Variants in RMND1 observed in about 807,000 individuals in gnomAD.
RMND1 encodes the protein required for meiotic nuclear division protein 1 homolog.
In RMND1, 41 loss-of-function variants were observed where a neutral mutation model predicts 54.0. That is an observed-to-expected ratio of 0.76 (90% CI 0.59 to 0.98). The LOEUF is 0.98. Among genes scored for constraint, RMND1 ranks in the 50% least tolerant of loss-of-function variants. RMND1 has a pLI of 0.00. For synonymous variants in RMND1, 183 were observed against 181.7 expected (o/e 1.01, Z -0.06); for missense variants, 457 against 532.0 (o/e 0.86, Z 1.39).
chr6:151,410,318 A>G (rs548751176), intron 10 of RMND1, among the ~76,000 whole-genome samples: 62 of 152,038 alleles, frequency 4.1e-4, no homozygotes, highest in South Asian at 2.3e-3. Context: ...GCCTCCCAAA[A>G]TGCTGGGATT....
intron 10 of RMND1, among the ~76,000 whole-genome samples, chr6:151,407,219 C>A (rs1329845628): frequency 1.3e-5 from 2 of 152,138 alleles, no homozygotes; most frequent in African/African-American, 4.8e-5. Flanking sequence ...CCACCATTTG[C>A]CCCTATTTCC....
chr6:151,425,846 T>G (rs541788701), intron 6 of RMND1, among the ~76,000 whole-genome samples: 13 of 152,292 alleles, frequency 8.5e-5, no homozygotes, highest in Non-Finnish European at 1.9e-4. Flanking sequence ...CTGGCCCTAT[T>G]GGTGGTGAGC....
intron 6 of RMND1, among the ~76,000 whole-genome samples, chr6:151,425,823 T>C (rs905505333): frequency 3.3e-5 from 5 of 152,196 alleles, no homozygotes; most frequent in African/African-American, 7.2e-5. Context: ...GGCACTTACT[T>C]AGAAAACCGT....
At chr6:151,451,616 G>C (rs1781201140) in intron 1 of RMND1, among the ~76,000 whole-genome samples, 1 of 152,082 alleles carries the variant, frequency 6.6e-6, no homozygotes. Context: ...GTAGGCATTC[G>C]ATCGAATTTT....
At chr6:151,440,340 A>C (rs1780740251) in intron 2 of RMND1, among the ~76,000 whole-genome samples, 3 of 152,210 alleles carry the variant, frequency 2.0e-5, no homozygotes. Context: ...TATATTCAGA[A>C]CTGAGTTTTG....
In RMND1 at chr6:151,452,121, T is replaced by A. The variant is rs115588021; in HGVS notation, c.-120A>T. ...GCCTCTCACTACTGCAGCCAACCCA[T>A]CTCCTGGAAGGGCGCTCCCGCCCAC... is the stretch of plus-strand genomic sequence containing the variant. On this transcript the variant is annotated 5_prime_UTR_variant, in exon 1 of 12. The change abolishes an upstream ATG in the 5' untranslated region. Coordinates refer to ENST00000444024, the MANE Select transcript of RMND1 (RefSeq NM_017909.4). 94 of 198,922 alleles carry A rather than the reference T, an allele frequency of 4.7e-4. No homozygotes were observed. Among genetic ancestry groups the A allele is most frequent in the African/African-American group, 2.0e-3 (85 of 42,190 alleles). The allele number at this position is 198,922 out of a possible 1,614,324, so 12.3% of individuals were successfully genotyped here. A position where few individuals can be genotyped will look rare whatever the true frequency, so the allele number is the denominator to read the frequency against.
At chr6:151,417,129 A>C (rs1369724573) in intron 10 of RMND1, 150 bp downstream of exon 10, 1 of 780,818 alleles carries the variant, frequency 1.3e-6, no homozygotes. Context: ...GACACAAAAA[A>C]TTGAAGTGAC....
intron 10 of RMND1, among the ~76,000 whole-genome samples, chr6:151,413,617 C>T (rs1248958126): frequency 6.6e-6 from 1 of 152,216 alleles, no homozygotes; most frequent in African/African-American, 2.4e-5. Flanking sequence ...CAGGAAATAC[C>T]TCAACTGTAT....
intron 10 of RMND1, among the ~76,000 whole-genome samples, chr6:151,406,377 T>G (rs1204657281): frequency 4.0e-5 from 6 of 151,180 alleles, no homozygotes; most frequent in African/African-American, 7.4e-5. Flanking sequence ...TGTTGTTGTT[T>G]TTTGGGATGG....
At chr6:151,423,414 T>C (rs113788632) in intron 7 of RMND1, 111 bp downstream of exon 7, 7 of 680,420 alleles carry the variant, frequency 1.0e-5, no homozygotes, top group East Asian at 2.6e-5. Context: ...GGAAAAGGAA[T>C]GCTAAGGCTT....
chr6:151,413,773 C>G (rs1041796036), intron 10 of RMND1: 5 of 152,210 alleles, frequency 3.3e-5, no homozygotes, highest in Non-Finnish European at 5.9e-5. Flanking sequence ...TTATCTAAAA[C>G]TGTGTTGATG....
chr6:151,436,112 C>CA lies in RMND1; in HGVS notation c.613+333dup, dbSNP rs67339992. The CA allele has an allele frequency of 0.23, 39,731 of 173,132 alleles. 3,860 individuals are homozygous for CA. Among genetic ancestry groups the CA allele is most frequent in the Middle Eastern group, 0.3 (106 of 350 alleles). The allele number at this position is 173,132 out of a possible 1,614,324, so 10.7% of individuals were successfully genotyped here. On this transcript the variant is annotated intron_variant, in intron 3 of 11. Transcript: ENST00000444024. ...AAGAGTGAAACTCCATCCCAAAAAA[C>CA]AAAAAAAAAAAAAACACAAAACACA...
chr6:151,435,781 T>C lies in RMND1; in HGVS notation c.613+665A>G, dbSNP rs1386133648. On this transcript the variant is annotated intron_variant, in intron 3 of 11. Coordinates refer to ENST00000444024, the MANE Select transcript of RMND1 (RefSeq NM_017909.4). Reference sequence around the variant, plus strand: ...ATTTTTTTTTTAAAGGCTCTCCCCATGTCTATCAACTTCATGGTTCTTCTA... The same window carrying C: ...ATTTTTTTTTTAAAGGCTCTCCCCACGTCTATCAACTTCATGGTTCTTCTA... Among the ~76,000 whole-genome samples the C allele has an allele frequency of 5.3e-5, 8 of 151,510 alleles. No homozygotes were observed. In the East Asian group the frequency reaches 1.2e-3, roughly 22 times the overall value.
rs752180566 is a variant in RMND1 at position 151,422,610 on chromosome 6, G to GA, written c.938-6dup. ...CTTCCCAAATTGCCAGTTTTACTGGGAAAAAAATTAATAATGGAACATTTC... is the reference window on the plus strand; with the variant it reads ...CTTCCCAAATTGCCAGTTTTACTGGGAAAAAAAATTAATAATGGAACATTTC... On this transcript the variant is annotated splice_polypyrimidine_tract_variant and splice_region_variant and intron_variant, in intron 7 of 11. Transcript: ENST00000444024. The GA allele has an allele frequency of 1.8e-4, 264 of 1,437,408 alleles. No homozygotes were observed. Among genetic ancestry groups the GA allele is most frequent in the Non-Finnish European group, 2.3e-4 (246 of 1,055,270 alleles). 89.0% of individuals were successfully genotyped at this position (1,437,408 alleles called of 1,614,324 possible).
intron 2 of RMND1, among the ~76,000 whole-genome samples, chr6:151,438,852 G>C: frequency 6.6e-6 from 1 of 150,808 alleles, no homozygotes; most frequent in Non-Finnish European, 1.5e-5. Context: ...AATGACTCAC[G>C]TCTGTAATCC....
At position 151,445,626 on chromosome 6, in the gene RMND1, C is replaced by G; in HGVS notation, c.186G>C (p.Leu62Phe). Residue 62 changes from leucine (L) to phenylalanine (F), a missense_variant, in exon 2 of 12, where the codon TTG (leucine) becomes TTC (phenylalanine). Leu to Phe is a conservative substitution (Grantham distance 22). Coordinates refer to ENST00000444024, the MANE Select transcript of RMND1 (RefSeq NM_017909.4). ...LFLPDKTASG[L>F]NKSQILEMNQ... is the part of the protein sequence containing the mutation. The stretch of plus-strand genomic sequence containing the variant: ...TCATTTCCAGGATCTGAGACTTATT[C>G]AAACCACTAGCTGTTTTATCAGGAA... The G allele has an allele frequency of 1.2e-6, 2 of 1,614,164 alleles. No individual in the cohort carries two copies. The highest frequency in any genetic ancestry group is 1.7e-6 in the Non-Finnish European group (2 of 1,180,014).
At chr6:151,450,835 C>G (rs1469444400) in intron 1 of RMND1, among the ~76,000 whole-genome samples, 1 of 152,156 alleles carries the variant, frequency 6.6e-6, no homozygotes, top group African/African-American at 2.4e-5. Context: ...ACATGGGAGA[C>G]TTTTCATTTT....
At chr6:151,405,360 C>T in intron 11 of RMND1, 93 bp from the exon 12 acceptor site, 1 of 1,216,818 alleles carries the variant, frequency 8.2e-7, no homozygotes. Context: ...AGAAATGCTC[C>T]TGAAGTAAGG....
chr6:151,405,808 A>G lies in RMND1; in HGVS notation c.1229T>C (p.Met410Thr), dbSNP rs776783945. 2.5e-6 allele frequency: 4 copies of G among 1,611,470 alleles called. No individual in the cohort carries two copies. In the Admixed American group the frequency reaches 6.7e-5, roughly 27 times the overall value. Residue 410 changes from methionine to threonine, a missense_variant, in exon 11 of 12, where the codon ATG becomes ACG. Coordinates refer to ENST00000444024, the MANE Select transcript of RMND1 (RefSeq NM_017909.4). ...KVMNEKLQHCMELTDLMRNHL... is the reference protein window; with the variant it reads ...KVMNEKLQHCTELTDLMRNHL... ...ATTCCGCATTAGATCTGTTAGTTCC[A>G]TGCAGTGCTGAAGTTTTTCATTCAT...
Sources: allele counts gnomAD v4.1 joint callset (sites outside exome capture counted in the v4.1 genomes callset), GRCh38; gene constraint gnomAD v4.1.1; transcripts MANE v1.5; gene names NCBI Gene and HGNC (gene_info 2026-07-23, HGNC 2026-07-21).